Variants in PRDM1 observed in about 807,000 individuals in gnomAD.
PRDM1 encodes PR/SET domain 1, also known as PR domain zinc finger protein 1.
In PRDM1, 13 loss-of-function variants were observed where a neutral mutation model predicts 62.8. That is an observed-to-expected ratio of 0.21 (90% confidence interval 0.13 to 0.33). The LOEUF (loss-of-function observed/expected upper bound fraction) is 0.33, where lower values mean the gene tolerates loss of function less well. Ranked by LOEUF, PRDM1 falls within the 10% of genes least tolerant of loss-of-function variation. The pLI is 1.00. For missense variants in PRDM1, 895 were observed against 1,058.8 expected (o/e 0.85, Z 2.15); for synonymous variants, 396 against 417.6 (o/e 0.95, Z 0.63).
intron 1 of PRDM1, among the ~76,000 whole-genome samples, chr6:106,002,404 GTGA>G (rs1475407512): frequency 1.3e-5 from 2 of 152,110 alleles, no homozygotes; most frequent in African/African-American, 4.8e-5. Flanking sequence ...GTGGCTATGG[GTGA>G]TGATAAGGGA....
At chr6:106,068,433 G>A (rs1195374510) in intron 1 of PRDM1, among the ~76,000 whole-genome samples, 1 of 152,162 alleles carries the variant, frequency 6.6e-6, no homozygotes, top group Non-Finnish European at 1.5e-5. Context: ...TCAGCTTCTT[G>A]TGTAGCCTTA....
At position 106,105,208 on chromosome 6, in the gene PRDM1, T is replaced by C. The variant is rs1316056381; in HGVS notation, c.1048T>C (p.Ser350Pro). The C allele has an allele frequency of 7.4e-6, 12 of 1,613,384 alleles. No individual in the cohort carries two copies. Among genetic ancestry groups the C allele is most frequent in the Non-Finnish European group, 1.0e-5 (12 of 1,179,964 alleles). Residue 350 changes from serine to proline, a missense_variant, in exon 5 of 7, where the codon TCC becomes CCC. By Grantham distance (74) the Ser-to-Pro change is moderately conservative. Transcript: ENST00000369096. ...RSSPDQSLKS[S>P]SPHSSPGNTV... ...CAGCCCCGACCAAAGCCTCAAGAGC[T>C]CCAGCCCTCACAGCAGCCCTGGGAA... is the stretch of plus-strand genomic sequence containing the variant.
chr6:106,038,014 C>CTTTTTTTTTTTTT (rs1227783243), intron 1 of PRDM1, among the ~76,000 whole-genome samples: 1,979 of 47,748 alleles, frequency 0.041, 615 homozygotes, highest in Non-Finnish European at 0.047. Context: ...CTATTTTTGT[C>CTTTTTTTTTTTTT]TTTTTTTTTT....
At chr6:106,007,206 C>T (rs556821328) in intron 1 of PRDM1, among the ~76,000 whole-genome samples, 20 of 151,830 alleles carry the variant, frequency 1.3e-4, no homozygotes, top group African/African-American at 4.1e-4. Context: ...CCGAGGAGGG[C>T]GGATCACGAG....
intron 1 of PRDM1, chr6:106,071,988 CA>C (rs1200647293): frequency 6.6e-6 from 1 of 152,178 alleles, no homozygotes; most frequent in Non-Finnish European, 1.5e-5. Context: ...GCAACTTGGA[CA>C]TCAGGATATT....
intron 1 of PRDM1, among the ~76,000 whole-genome samples, chr6:106,067,879 T>C (rs1425211555): frequency 6.6e-6 from 1 of 152,212 alleles, no homozygotes; most frequent in Non-Finnish European, 1.5e-5. Context: ...TTCTGTTTTA[T>C]ATATTTTAAA....
chr6:106,013,685 T>C (rs1160981632), intron 1 of PRDM1, among the ~76,000 whole-genome samples: 2 of 152,172 alleles, frequency 1.3e-5, no homozygotes, highest in Non-Finnish European at 2.9e-5. Flanking sequence ...AGAGCCAATA[T>C]TGTATAGTGC....
upstream of PRDM1, among the ~76,000 whole-genome samples, chr6:106,085,666 T>C (rs528602519): frequency 6.6e-6 from 1 of 152,334 alleles, no homozygotes; most frequent in Middle Eastern, 3.4e-3. Context: ...AAACGACTAA[T>C]GCTCTACATT....
intron 1 of PRDM1, among the ~76,000 whole-genome samples, chr6:106,031,659 T>C (rs1772845947): frequency 1.3e-5 from 2 of 152,146 alleles, no homozygotes; most frequent in Admixed American, 6.5e-5. Flanking sequence ...TGCCAGGCAA[T>C]GGGGACAGTC....
intron 1 of PRDM1, among the ~76,000 whole-genome samples, chr6:106,029,161 C>T (rs746401203): frequency 3.9e-5 from 6 of 152,094 alleles, no homozygotes; most frequent in East Asian, 1.9e-4. Flanking sequence ...CCTTGTGATC[C>T]GCCTGCCTTG....
At chr6:106,073,811 A>G (rs143580551) in intron 1 of PRDM1, among the ~76,000 whole-genome samples, 1 of 152,366 alleles carries the variant, frequency 6.6e-6, no homozygotes, top group Non-Finnish European at 1.5e-5. Context: ...TGCATTCCTT[A>G]GAGGCCAGAT....
chr6:106,024,615 G>A (rs1266046578), intron 1 of PRDM1, among the ~76,000 whole-genome samples: 1 of 152,156 alleles, frequency 6.6e-6, no homozygotes, highest in East Asian at 1.9e-4. Context: ...CATCTGTACA[G>A]TGGAAGAAGT....
chr6:106,075,036 T>C (rs1773584237), intron 1 of PRDM1, among the ~76,000 whole-genome samples: 1 of 152,238 alleles, frequency 6.6e-6, no homozygotes, highest in Non-Finnish European at 1.5e-5. Flanking sequence ...ACTGTTTGTA[T>C]AGTTTAAAAA....
chr6:106,083,573 G>A (rs1051307355), upstream of PRDM1, among the ~76,000 whole-genome samples: 7 of 152,092 alleles, frequency 4.6e-5, no homozygotes, highest in South Asian at 2.1e-4. Context: ...AGCTGAAACC[G>A]AATTAAAATT....
intron 4 of PRDM1, chr6:106,099,768 T>G: frequency 2.5e-5 from 14 of 554,836 alleles, no homozygotes; most frequent in Non-Finnish European, 4.3e-5. Context: ...TATGAGGAGC[T>G]ACCTTGAGTT....
chr6:106,076,059 C>T (rs770892804), intron 1 of PRDM1, among the ~76,000 whole-genome samples: 17 of 152,028 alleles, frequency 1.1e-4, no homozygotes, highest in Admixed American at 5.9e-4. Flanking sequence ...TCAAGCCATC[C>T]TCCAACCTCA....
At chr6:106,019,253 CAAAAAAAAAAAAAAAAAAAAA>C (rs55704256) in intron 1 of PRDM1, among the ~76,000 whole-genome samples, 1 of 69,654 alleles carries the variant, frequency 1.4e-5, no homozygotes, top group African/African-American at 6.0e-5. Context: ...GACTCCATCT[CAAAAAAAAAAAAAAAAAAAAA>C]AAAAAAAAAG....
chr6:106,084,011 T>G (rs1325344786), upstream of PRDM1, among the ~76,000 whole-genome samples: 1 of 152,220 alleles, frequency 6.6e-6, no homozygotes, highest in African/African-American at 2.4e-5. Context: ...AATACCTAAA[T>G]ATTACAATAT....
intron 1 of PRDM1, among the ~76,000 whole-genome samples, chr6:106,030,996 C>CTTTTTTTTTTTTTTTTTTTTTT (rs11343130): frequency 7.4e-6 from 1 of 135,316 alleles, no homozygotes. Context: ...TGTATTCTCT[C>CTTTTTTTTTTTTTTTTTTTTTT]TTTTTTTTTT....
Sources: allele counts gnomAD v4.1 joint callset (sites outside exome capture counted in the v4.1 genomes callset), GRCh38; gene constraint gnomAD v4.1.1; transcripts MANE v1.5; gene names NCBI Gene and HGNC (gene_info 2026-07-23, HGNC 2026-07-21).